The following EPHA3 variants were observed in gnomAD, a reference collection of about 807,000 sequenced individuals.
The protein encoded by EPHA3 is EPH receptor A3.
In EPHA3, 42 loss-of-function variants were observed where a neutral mutation model predicts 107.1. The ratio of observed to expected loss-of-function variants is 0.39; its 90% confidence interval spans 0.31 to 0.51. The LOEUF is 0.51. Ranked by LOEUF, EPHA3 falls within the 20% of genes least tolerant of loss-of-function variation. EPHA3 has a pLI of 0.78. For missense variants in EPHA3, 1,183 were observed against 1,211.2 expected, an observed-to-expected ratio of 0.98 and a Z score of 0.35; for synonymous variants, 461 against 424.8, an observed-to-expected ratio of 1.09 and a Z score of -1.05.
chr3:89,403,872 G>C (rs185653141), intron 7 of EPHA3, among the ~76,000 whole-genome samples: 24 of 152,194 alleles, frequency 1.6e-4, no homozygotes, highest in Non-Finnish European at 3.2e-4. Flanking sequence ...TACTTGTAAA[G>C]TGCTTAAAAT....
In EPHA3 at chr3:89,391,603, A is replaced by AT. The variant is rs767686552; in HGVS notation, c.1307-4223dup. On this transcript the variant is annotated intron_variant, in intron 5 of 16. Transcript: ENST00000336596. ...CCACCATGCCCAGCTAATTTTTTGT[A>AT]TTTTTTTTTTTAGTAGAGATGGGGT... Among the ~76,000 whole-genome samples, 1,028 of 138,330 alleles carry AT rather than the reference A, an allele frequency of 7.4e-3. 10 individuals carry two copies. Among genetic ancestry groups the AT allele is most frequent in the South Asian group, 0.018 (78 of 4,332 alleles). 90.7% of individuals were successfully genotyped at this position (138,330 alleles called of 152,430 possible).
chr3:89,193,475 CA>C (rs1176667394), intron 2 of EPHA3, among the ~76,000 whole-genome samples: 1 of 151,922 alleles, frequency 6.6e-6, no homozygotes, highest in Non-Finnish European at 1.5e-5. Context: ...TTAAAAGACA[CA>C]AAATTACAGT....
chr3:89,221,947 GC>G (rs965529284), intron 3 of EPHA3, among the ~76,000 whole-genome samples: 1 of 152,040 alleles, frequency 6.6e-6, no homozygotes. Flanking sequence ...GTATAAAAAG[GC>G]AAAAACCTCA....
Position 89,209,841 on chromosome 3 carries a change from T to G in EPHA3, c.154-19T>G. On this transcript the variant is annotated intron_variant, in intron 2 of 16. Coordinates refer to ENST00000336596, the MANE Select transcript of EPHA3 (RefSeq NM_005233.6). The stretch of plus-strand genomic sequence containing the variant: ...ATCATTAATTCTGCCTCACTCTCTG[T>G]TTCTCTTTGATTCTTCAGTGGGAAG... The G allele has an allele frequency of 1.3e-6, 2 of 1,563,386 alleles. No homozygotes were observed. Among genetic ancestry groups the G allele is most frequent in the African/African-American group, 2.7e-5 (2 of 73,526 alleles).
chr3:89,257,596 G>T (rs1296562265), intron 3 of EPHA3, among the ~76,000 whole-genome samples: 1 of 151,764 alleles, frequency 6.6e-6, no homozygotes, highest in Non-Finnish European at 1.5e-5. Flanking sequence ...AGTCACAGGG[G>T]CTTGAAGTAG....
intron 10 of EPHA3, among the ~76,000 whole-genome samples, chr3:89,414,124 G>T (rs1378074110): frequency 6.6e-6 from 1 of 151,520 alleles, no homozygotes; most frequent in Non-Finnish European, 1.5e-5. Context: ...CACATTTTCT[G>T]CAAGTACCGT....
intron 2 of EPHA3, among the ~76,000 whole-genome samples, chr3:89,142,514 C>T (rs1244144035): frequency 6.6e-6 from 1 of 151,314 alleles, no homozygotes; most frequent in African/African-American, 2.4e-5. Flanking sequence ...TTGATTTCAT[C>T]CCAAAATGTT....
chr3:89,226,382 G>C (rs527307488), intron 3 of EPHA3, among the ~76,000 whole-genome samples: 1 of 152,148 alleles, frequency 6.6e-6, no homozygotes, highest in Non-Finnish European at 1.5e-5. Flanking sequence ...TTTATCATAA[G>C]AGGGATAAAT....
At chr3:89,375,624 T>C (rs1708387959) in intron 5 of EPHA3, among the ~76,000 whole-genome samples, 1 of 151,716 alleles carries the variant, frequency 6.6e-6, no homozygotes, top group Non-Finnish European at 1.5e-5. Flanking sequence ...AAGAGTATAA[T>C]TTTTTATCCC....
chr3:89,178,991 G>A (rs1187157909), intron 2 of EPHA3, among the ~76,000 whole-genome samples: 1 of 151,536 alleles, frequency 6.6e-6, no homozygotes, highest in Non-Finnish European at 1.5e-5. Flanking sequence ...TTATTAATGT[G>A]GGATGTTTTT....
chr3:89,208,005 T>A (rs919758038), intron 2 of EPHA3, among the ~76,000 whole-genome samples: 31 of 152,164 alleles, frequency 2.0e-4, no homozygotes, highest in South Asian at 2.1e-4. Flanking sequence ...AATACAGAAA[T>A]TTTCTTAAGA....
intron 5 of EPHA3, among the ~76,000 whole-genome samples, chr3:89,392,647 T>TA (rs935051672): frequency 1.3e-5 from 2 of 152,052 alleles, no homozygotes; most frequent in African/African-American, 2.4e-5. Context: ...ATTGCAAATT[T>TA]AAAAAACAGA....
chr3:89,111,522 C>T (rs555834472), intron 1 of EPHA3, among the ~76,000 whole-genome samples: 33 of 141,444 alleles, frequency 2.3e-4, no homozygotes, highest in African/African-American at 7.0e-4. Flanking sequence ...CCCCCCACCC[C>T]GCCTCCATGG....
chr3:89,347,364 T>C (rs1707692133), intron 5 of EPHA3, among the ~76,000 whole-genome samples: 2 of 148,972 alleles, frequency 1.3e-5, no homozygotes, highest in Admixed American at 6.7e-5. Flanking sequence ...CTAGGTATTT[T>C]ATTCTCTTTG....
intron 5 of EPHA3, among the ~76,000 whole-genome samples, chr3:89,364,393 C>A (rs1178204458): frequency 6.6e-6 from 1 of 150,996 alleles, no homozygotes; most frequent in Non-Finnish European, 1.5e-5. Context: ...ATAGGGATCC[C>A]TAGTAGCACA....
At chr3:89,117,841 A>T (rs1707292372) in intron 1 of EPHA3, among the ~76,000 whole-genome samples, 1 of 152,110 alleles carries the variant, frequency 6.6e-6, no homozygotes, top group Non-Finnish European at 1.5e-5. Flanking sequence ...GGTGGCAAAA[A>T]GGCTAGAGTT....
intron 2 of EPHA3, among the ~76,000 whole-genome samples, chr3:89,173,082 GATATAC>G (rs1705243405): frequency 1.3e-5 from 2 of 152,072 alleles, no homozygotes; most frequent in African/African-American, 4.8e-5. Flanking sequence ...GGTAGAGATA[GATATAC>G]ATATAAATGT....
At chr3:89,222,341 ATATATATATATATG>A (rs982425986) in intron 3 of EPHA3, among the ~76,000 whole-genome samples, 1 of 146,296 alleles carries the variant, frequency 6.8e-6, no homozygotes, top group African/African-American at 2.5e-5. Flanking sequence ...ATATATATAT[ATATATATATATATG>A]TATATGTATA....
intron 3 of EPHA3, among the ~76,000 whole-genome samples, chr3:89,318,457 T>G (rs1706962058): frequency 6.6e-6 from 1 of 151,910 alleles, no homozygotes; most frequent in Non-Finnish European, 1.5e-5. Flanking sequence ...TTTCAAATTC[T>G]TTTCATTTCA....
Sources: allele counts gnomAD v4.1 joint callset (sites outside exome capture counted in the v4.1 genomes callset), GRCh38; gene constraint gnomAD v4.1.1; transcripts MANE v1.5; gene names NCBI Gene and HGNC (gene_info 2026-07-23, HGNC 2026-07-21).